Variants in COL6A6 observed in about 807,000 individuals in gnomAD.
COL6A6 encodes collagen type VI alpha 6 chain.
COL6A6 carries 183 observed loss-of-function variants against 208.6 expected under a neutral mutation model. The observed-to-expected ratio is 0.88, with a 90% confidence interval of 0.78 to 0.99. The LOEUF is 0.99. COL6A6 is among the 50% of genes least tolerant of loss of function. COL6A6 has a pLI of 0.00. For synonymous variants in COL6A6, 973 were observed against 1,011.8 expected (o/e 0.96, Z 0.73); for missense variants, 2,816 against 2,815.2 (o/e 1.00, Z -0.01).
At chr3:130,537,707 T>A (rs2062257462) in intron 1 of COL6A6, among the ~76,000 whole-genome samples, 1 of 152,232 alleles carries the variant, frequency 6.6e-6, no homozygotes, top group Admixed American at 6.5e-5. Context: ...CATGCATGCT[T>A]TTGATTTAGC....
At chr3:130,609,203 A>T (rs142679005) in intron 22 of COL6A6, among the ~76,000 whole-genome samples, 8 of 152,332 alleles carry the variant, frequency 5.3e-5, no homozygotes, top group African/African-American at 1.9e-4. Flanking sequence ...GTCCTTGTGT[A>T]CTGGGTTCAG....
In COL6A6 at chr3:130,574,197, C is replaced by G; in HGVS notation, c.3219C>G (p.Ile1073Met). 5 of 1,613,974 alleles carry G rather than the reference C, an allele frequency of 3.1e-6. No individual in the cohort carries two copies. Among genetic ancestry groups the G allele is most frequent in the Non-Finnish European group, 4.2e-6 (5 of 1,179,878 alleles). ...ISFQIENIKQ[I>M]FGNTHIGAAL... ...TTCAGATTGAAAACATCAAGCAGATCTTTGGAAACACACACATCGGTGCTG... is the reference window on the plus strand; with the variant it reads ...TTCAGATTGAAAACATCAAGCAGATGTTTGGAAACACACACATCGGTGCTG... Residue 1073 changes from isoleucine to methionine, a missense_variant, in exon 8 of 37, where the codon ATC becomes ATG. Coordinates refer to ENST00000358511, the MANE Select transcript of COL6A6 (RefSeq NM_001102608.3).
intron 6 of COL6A6, among the ~76,000 whole-genome samples, chr3:130,569,069 AG>A (rs1208853012): frequency 7.9e-5 from 12 of 152,140 alleles, no homozygotes; most frequent in African/African-American, 2.9e-4. Context: ...CCTTGAGGCG[AG>A]GGGCTCAGCC....
At chr3:130,561,797 C>A (rs1315020086) in intron 2 of COL6A6, among the ~76,000 whole-genome samples, 1 of 151,260 alleles carries the variant, frequency 6.6e-6, no homozygotes, top group Admixed American at 6.6e-5. Context: ...GGACTACAGG[C>A]GCCCGCCACC....
At chr3:130,651,775 C>A (rs1412957683) in intron 33 of COL6A6, among the ~76,000 whole-genome samples, 1 of 152,174 alleles carries the variant, frequency 6.6e-6, no homozygotes, top group African/African-American at 2.4e-5. Context: ...TAAAAGGAGA[C>A]AACTTTCTCT....
Position 130,593,200 on chromosome 3 carries a change from G to T in COL6A6, c.4418G>T (p.Gly1473Val), listed in dbSNP as rs368065855. ...NGIDGLNGEQ[G>V]DNGLPGRKGE... ...TAGCTTTCCCTTCTTGTTTTTTAGG[G>T]TGATAATGGTCTTCCTGGAAGAAAA... Residue 1473 changes from glycine to valine, a missense_variant and splice_region_variant, in exon 17 of 37, where the codon GGT (glycine) becomes GTT (valine). Coordinates refer to ENST00000358511, the MANE Select transcript of COL6A6 (RefSeq NM_001102608.3). The T allele has an allele frequency of 2.1e-4, 335 of 1,613,048 alleles. No homozygotes were observed. The highest frequency in any genetic ancestry group is 2.8e-4 in the Non-Finnish European group (327 of 1,179,224).
intron 1 of COL6A6, among the ~76,000 whole-genome samples, chr3:130,547,213 G>T (rs1435167698): frequency 6.6e-5 from 10 of 152,264 alleles, no homozygotes; most frequent in African/African-American, 2.4e-4. Flanking sequence ...CCGCAGGGAG[G>T]TGGCTGAGGC....
chr3:130,579,825 T>C (rs1488613407), intron 8 of COL6A6, among the ~76,000 whole-genome samples: 1 of 152,206 alleles, frequency 6.6e-6, no homozygotes, highest in Non-Finnish European at 1.5e-5. Context: ...TTTAGGCTGT[T>C]GCATGAGAGC....
At chr3:130,601,553 A>T (rs1270854758) in intron 20 of COL6A6, among the ~76,000 whole-genome samples, 2 of 152,238 alleles carry the variant, frequency 1.3e-5, no homozygotes, top group Non-Finnish European at 2.9e-5. Flanking sequence ...ATCATCCAGG[A>T]AATCCTGGCA....
chr3:130,537,329 A>G (rs1559961854), intron 1 of COL6A6, among the ~76,000 whole-genome samples: 1 of 152,180 alleles, frequency 6.6e-6, no homozygotes, highest in Non-Finnish European at 1.5e-5. Flanking sequence ...TGTTGAGACA[A>G]TTAAGTGTGG....
At chr3:130,536,497 C>T (rs2062228317) in intron 1 of COL6A6, among the ~76,000 whole-genome samples, 1 of 152,152 alleles carries the variant, frequency 6.6e-6, no homozygotes. Context: ...GAAGACAAGT[C>T]CTCTGAAGAG....
At position 130,592,521 on chromosome 3, in the gene COL6A6, G is replaced by A. The variant is rs188249834; in HGVS notation, c.4273-20G>A. 3.3e-4 allele frequency: 523 copies of A among 1,561,644 alleles called. 3 individuals are homozygous for A. The African/African-American group carries it at 6.4e-3, about 19-fold the overall frequency. ...AGATTACAATAGAAAAAGCTCATTT[G>A]GATATGTGCCCTTTCTCAGGGAGAA... On this transcript the variant is annotated intron_variant, in intron 13 of 36. Coordinates refer to ENST00000358511, the MANE Select transcript of COL6A6 (RefSeq NM_001102608.3).
At chr3:130,584,065 A>C (rs2063483107) in intron 10 of COL6A6, among the ~76,000 whole-genome samples, 1 of 152,142 alleles carries the variant, frequency 6.6e-6, no homozygotes, top group Non-Finnish European at 1.5e-5. Context: ...AATACCCTAG[A>C]ATCTACTCAG....
rs771765065 is a variant in COL6A6 at position 130,568,384 on chromosome 3, C to G, written c.2181C>G (p.Ile727Met). ...GARPNIRKFL[I>M]LITDGEAQDI... ...GGCCCAACATCAGAAAGTTTCTCAT[C>G]CTCATCACGGATGGTGAAGCTCAGG... Residue 727 changes from isoleucine (I) to methionine (M), a missense_variant, in exon 6 of 37, where the codon ATC (isoleucine) becomes ATG (methionine). Physicochemically the swap from Ile to Met is conservative, Grantham distance 10 (BLOSUM62 1). Transcript: ENST00000358511. 5.0e-6 allele frequency: 8 copies of G among 1,613,850 alleles called. No homozygotes were observed. In the Admixed American group the frequency reaches 1.3e-4, roughly 27 times the overall value.
intron 19 of COL6A6, among the ~76,000 whole-genome samples, 164 bp from the exon 20 acceptor site, chr3:130,599,593 T>C (rs1416391753): frequency 6.6e-6 from 1 of 152,184 alleles, no homozygotes; most frequent in African/African-American, 2.4e-5. Flanking sequence ...TATATAGAAA[T>C]GTGACTTATG....
intron 32 of COL6A6, among the ~76,000 whole-genome samples, chr3:130,645,290 G>A (rs2065434990): frequency 6.6e-6 from 1 of 152,014 alleles, no homozygotes; most frequent in Non-Finnish European, 1.5e-5. Context: ...GCTTTTAAAG[G>A]TTTTAAAAAT....
chr3:130,675,308 G>A lies in COL6A6; in HGVS notation c.6703G>A (p.Asp2235Asn). The A allele has an allele frequency of 6.3e-7, 1 of 1,596,438 alleles. No homozygotes were observed. Among genetic ancestry groups the A allele is most frequent in the Non-Finnish European group, 8.5e-7 (1 of 1,170,546 alleles). ...TTCAAGAGTAGCAAGAAGTGGCAGA[G>A]ATGATGCTATTCAAAATTTTATGAG... is the stretch of plus-strand genomic sequence containing the variant. ...YLSRVARSGRDDAIQNFMRST... is the reference protein window; with the variant it reads ...YLSRVARSGRNDAIQNFMRST... Residue 2235 changes from aspartate (D) to asparagine (N), a missense_variant, in exon 37 of 37, where the codon GAT becomes AAT. By Grantham distance (23) the Asp-to-Asn change is conservative. Transcript: ENST00000358511.
intron 1 of COL6A6, among the ~76,000 whole-genome samples, chr3:130,525,132 A>G (rs532155828): frequency 6.7e-6 from 1 of 150,158 alleles, no homozygotes; most frequent in East Asian, 1.9e-4. Context: ...CAGCTGGCCA[A>G]TGAAAGAGAT....
intron 24 of COL6A6, among the ~76,000 whole-genome samples, chr3:130,625,270 G>C (rs574234484): frequency 1.9e-3 from 284 of 152,284 alleles, no homozygotes; most frequent in Middle Eastern, 3.4e-3. Flanking sequence ...GTGGTCACTT[G>C]TCCATTTTCC....
Sources: allele counts gnomAD v4.1 joint callset (sites outside exome capture counted in the v4.1 genomes callset), GRCh38; gene constraint gnomAD v4.1.1; transcripts MANE v1.5; gene names NCBI Gene and HGNC (gene_info 2026-07-23, HGNC 2026-07-21).